TNIK: variants seen among roughly 807,000 people sequenced by gnomAD.
TNIK encodes the protein TRAF2 and NCK-interacting protein kinase.
TNIK carries 49 observed loss-of-function variants against 191.3 expected under a neutral mutation model. That is an observed-to-expected ratio of 0.26 (90% CI 0.20 to 0.32). The LOEUF (loss-of-function observed/expected upper bound fraction) is 0.32. TNIK is among the 10% of genes least tolerant of loss of function. The pLI, the probability that TNIK is intolerant of heterozygous loss-of-function variation, is 1.00. For missense variants in TNIK, 1,155 were observed against 1,702.3 expected, an observed-to-expected ratio of 0.68 and a Z score of 5.66; for synonymous variants, 594 against 600.9, an observed-to-expected ratio of 0.99 and a Z score of 0.17.
At chr3:171,066,135 C>T in intron 32 of TNIK, 52 bp downstream of exon 32, 1 of 1,601,680 alleles carries the variant, frequency 6.2e-7, no homozygotes. Context: ...TCACAGGTAC[C>T]TGGTGGTCTC....
intron 7 of TNIK, among the ~76,000 whole-genome samples, chr3:171,182,236 C>T (rs1268762251): frequency 9.1e-6 from 1 of 109,574 alleles, no homozygotes; most frequent in Non-Finnish European, 1.7e-5. Flanking sequence ...CATTTATATT[C>T]CTGGTCATAT....
intron 4 of TNIK, among the ~76,000 whole-genome samples, chr3:171,204,265 T>C (rs11716192): frequency 0.3 from 45,649 of 152,090 alleles, 7,717 homozygotes; most frequent in East Asian, 0.5. Context: ...GGCCATTATC[T>C]GAAGTAGTTG....
intron 19 of TNIK, among the ~76,000 whole-genome samples, 166 bp from the exon 20 acceptor site, chr3:171,108,328 A>C (rs1290080495): frequency 2.0e-5 from 3 of 152,236 alleles, no homozygotes; most frequent in African/African-American, 7.2e-5. Context: ...TATAATGTTC[A>C]GGCAAACACA....
intron 3 of TNIK, among the ~76,000 whole-genome samples, chr3:171,214,992 C>A (rs1237657599): frequency 6.6e-6 from 1 of 152,128 alleles, no homozygotes; most frequent in African/African-American, 2.4e-5. Context: ...CCACCTGCAT[C>A]AAGAGGTGGA....
At chr3:171,413,163 C>T (rs11715392) in intron 1 of TNIK, among the ~76,000 whole-genome samples, 43,676 of 152,130 alleles carry the variant, frequency 0.29, 8,065 homozygotes, top group Non-Finnish European at 0.41. Flanking sequence ...ATATCATATG[C>T]GCATACATAT....
intron 7 of TNIK, 48 bp from the exon 8 acceptor site, chr3:171,177,428 C>A: frequency 6.4e-7 from 1 of 1,573,026 alleles, no homozygotes; most frequent in Non-Finnish European, 8.6e-7. Flanking sequence ...CAACAAAGGA[C>A]AACTTGGTTA....
intron 1 of TNIK, among the ~76,000 whole-genome samples, chr3:171,413,668 T>G (rs2010887): frequency 0.71 from 107,868 of 152,052 alleles, 38,523 homozygotes; most frequent in South Asian, 0.85. Flanking sequence ...CTTTTCAGTT[T>G]CATTTCTACA....
At chr3:171,231,368 C>A (rs1743624309) in intron 2 of TNIK, among the ~76,000 whole-genome samples, 1 of 150,170 alleles carries the variant, frequency 6.7e-6, no homozygotes, top group Non-Finnish European at 1.5e-5. Flanking sequence ...TGGAAGGTAA[C>A]ACTGGAAAAG....
At chr3:171,152,109 T>C (rs2108684820) in intron 12 of TNIK, among the ~76,000 whole-genome samples, 1 of 152,070 alleles carries the variant, frequency 6.6e-6, no homozygotes, top group East Asian at 1.9e-4. Context: ...GACAAAACCC[T>C]ATCTCTACTA....
intron 9 of TNIK, 96 bp from the exon 10 acceptor site, chr3:171,167,366 AG>A (rs1456170221): frequency 6.9e-7 from 1 of 1,458,384 alleles, no homozygotes; most frequent in Non-Finnish European, 9.2e-7. Context: ...TCTTTTTTTA[AG>A]GTCCAATTGG....
chr3:171,328,400 C>T (rs983130936), intron 2 of TNIK, among the ~76,000 whole-genome samples: 1 of 152,194 alleles, frequency 6.6e-6, no homozygotes, highest in African/African-American at 2.4e-5. Flanking sequence ...ACTGCAGATT[C>T]GCCTGCGTGG....
intron 30 of TNIK, among the ~76,000 whole-genome samples, chr3:171,067,123 G>A (rs951569950): frequency 3.3e-5 from 5 of 152,180 alleles, no homozygotes; most frequent in Non-Finnish European, 7.3e-5. Context: ...TTTGTTGGTA[G>A]AGTTGGGATT....
intron 4 of TNIK, among the ~76,000 whole-genome samples, chr3:171,203,332 C>A (rs1251053432): frequency 6.6e-6 from 1 of 152,102 alleles, no homozygotes; most frequent in East Asian, 1.9e-4. Context: ...CTTAGTTCAT[C>A]CCAGTATCTT....
rs574931954 is a variant in TNIK, at chr3:171,325,796, T to C, written c.123+43824A>G. Reference sequence around the variant, plus strand: ...GGGTTTATTTGGGGATTTGATTCATTAATTGATGTTTGCACAAGGGCTAGG... The same window carrying C: ...GGGTTTATTTGGGGATTTGATTCATCAATTGATGTTTGCACAAGGGCTAGG... On this transcript the variant is annotated intron_variant, in intron 2 of 32. Coordinates refer to ENST00000436636, the MANE Select transcript of TNIK (RefSeq NM_015028.4). 7.9e-5 allele frequency among the ~76,000 whole-genome samples: 12 copies of C among 152,334 alleles called. No individual in the cohort carries two copies. In the South Asian group the frequency reaches 1.9e-3, roughly 24 times the overall value.
rs1387029442 is a variant in TNIK at position 171,369,632 on chromosome 3, C to T, written c.111G>A (p.Gly37=). 4.4e-6 allele frequency: 7 copies of T among 1,576,748 alleles called. No individual in the cohort carries two copies. Among genetic ancestry groups the T allele is most frequent in the Non-Finnish European group, 6.0e-6 (7 of 1,160,154 alleles). The change falls in exon 2 of 33, where the codon GGG becomes GGA. Residue 37 remains glycine, a synonymous_variant. Transcript: ENST00000436636. The part of the protein sequence containing the change: ...LVELVGNGTY[G]QVYKGRHVKT... Reference sequence around the variant, plus strand: ...TCAATGTACTTACCTTATAAACTTGCCCGTATGTTCCATTTCCAACAAGTT... The same window carrying T: ...TCAATGTACTTACCTTATAAACTTGTCCGTATGTTCCATTTCCAACAAGTT...
chr3:171,322,802 GT>G (rs11415415), intron 2 of TNIK, among the ~76,000 whole-genome samples: 3 of 143,826 alleles, frequency 2.1e-5, no homozygotes, highest in Non-Finnish European at 3.1e-5. Context: ...TGTTATTAGT[GT>G]TTTTTTTGTT....
chr3:171,227,111 A>C (rs1313652462), intron 3 of TNIK, among the ~76,000 whole-genome samples: 1 of 152,208 alleles, frequency 6.6e-6, no homozygotes, highest in Non-Finnish European at 1.5e-5. Context: ...ACAACAGAAA[A>C]TTATTAACAT....
chr3:171,242,899 C>T (rs1745152562), intron 2 of TNIK, among the ~76,000 whole-genome samples: 1 of 151,876 alleles, frequency 6.6e-6, no homozygotes, highest in Non-Finnish European at 1.5e-5. Flanking sequence ...CATTTTTAAA[C>T]ATAAAAAAAT....
At chr3:171,432,655 T>A (rs1348490873) in intron 1 of TNIK, among the ~76,000 whole-genome samples, 2 of 152,212 alleles carry the variant, frequency 1.3e-5, no homozygotes, top group South Asian at 2.1e-4. Context: ...AAGTTTATGA[T>A]AAAATCCTTG....
Sources: allele counts gnomAD v4.1 joint callset (sites outside exome capture counted in the v4.1 genomes callset), GRCh38; gene constraint gnomAD v4.1.1; transcripts MANE v1.5; gene names NCBI Gene and HGNC (gene_info 2026-07-23, HGNC 2026-07-21).